ARHGAP15: variants seen among roughly 807,000 people sequenced by gnomAD.
ARHGAP15 encodes the protein Rho GTPase activating protein 15.
In ARHGAP15, 51 loss-of-function variants were observed where a neutral mutation model predicts 63.7. The ratio of observed to expected loss-of-function variants is 0.80; its 90% CI spans 0.64 to 1.01. ARHGAP15 has a LOEUF of 1.01. Ranked by LOEUF, ARHGAP15 falls within the 50% of genes least tolerant of loss-of-function variation. The pLI, the probability that ARHGAP15 is intolerant of heterozygous loss-of-function variation, is 0.00. For missense variants in ARHGAP15, 560 were observed against 564.6 expected, an observed-to-expected ratio of 0.99 and a Z score of 0.08; for synonymous variants, 191 against 193.8, an observed-to-expected ratio of 0.99 and a Z score of 0.12.
At chr2:143,711,981 C>G (rs1427840511) in intron 13 of ARHGAP15, among the ~76,000 whole-genome samples, 3 of 152,146 alleles carry the variant, frequency 2.0e-5, no homozygotes, top group Admixed American at 6.5e-5. Context: ...ACTGAAGGAT[C>G]TCAAGTGGAG....
At chr2:143,714,964 G>A (rs997630411) in intron 13 of ARHGAP15, among the ~76,000 whole-genome samples, 4 of 152,060 alleles carry the variant, frequency 2.6e-5, no homozygotes, top group Admixed American at 1.3e-4. Flanking sequence ...CTGTTACCCA[G>A]TTCCAAAGTC....
intron 2 of ARHGAP15, among the ~76,000 whole-genome samples, chr2:143,184,265 A>G (rs1245066516): frequency 6.6e-6 from 1 of 152,226 alleles, no homozygotes; most frequent in Non-Finnish European, 1.5e-5. Flanking sequence ...TGACCTCAAC[A>G]AAATTGGACA....
chr2:143,325,335 A>C (rs1206235928), intron 6 of ARHGAP15, among the ~76,000 whole-genome samples: 1 of 152,134 alleles, frequency 6.6e-6, no homozygotes, highest in Non-Finnish European at 1.5e-5. Flanking sequence ...AATTTTATTT[A>C]CTTAAATATA....
At chr2:143,254,627 G>T (rs1680327262) in intron 6 of ARHGAP15, among the ~76,000 whole-genome samples, 1 of 151,946 alleles carries the variant, frequency 6.6e-6, no homozygotes, top group African/African-American at 2.4e-5. Flanking sequence ...TTAAATATGT[G>T]AGAGTCTCAG....
rs550070446 is a variant in ARHGAP15 at position 143,311,901 on chromosome 2, T to C, written c.474+61301T>C. Among the ~76,000 whole-genome samples the C allele has an allele frequency of 1.1e-4, 16 of 152,226 alleles. No homozygotes were observed. In the East Asian group the frequency reaches 2.9e-3, roughly 28 times the overall value. ...GTGTCCATTTGCAGACCAAATTCCTTTATGTGTTGGAATGGCAATGCGCCT... is the reference window on the plus strand; with the variant it reads ...GTGTCCATTTGCAGACCAAATTCCTCTATGTGTTGGAATGGCAATGCGCCT... On this transcript the variant is annotated intron_variant, in intron 6 of 13. Coordinates refer to ENST00000295095, the MANE Select transcript of ARHGAP15 (RefSeq NM_018460.4).
intron 3 of ARHGAP15, among the ~76,000 whole-genome samples, chr2:143,214,245 G>A (rs1692666455): frequency 6.6e-6 from 1 of 152,070 alleles, no homozygotes; most frequent in South Asian, 2.1e-4. Flanking sequence ...ATAAATCCAG[G>A]TTTTGGGTAA....
intron 6 of ARHGAP15, among the ~76,000 whole-genome samples, chr2:143,262,505 A>T (rs1213315895): frequency 1.5e-5 from 2 of 137,310 alleles, no homozygotes; most frequent in East Asian, 4.2e-4. Flanking sequence ...AGTCAATCGG[A>T]CCTTTGTATA....
chr2:143,470,929 T>C (rs554366972), intron 8 of ARHGAP15, among the ~76,000 whole-genome samples: 1 of 147,072 alleles, frequency 6.8e-6, no homozygotes, highest in African/African-American at 2.4e-5. Flanking sequence ...TGTATATGTG[T>C]ATATATGTGT....
chr2:143,706,233 A>G (rs1314753480), intron 13 of ARHGAP15, among the ~76,000 whole-genome samples: 1 of 152,214 alleles, frequency 6.6e-6, no homozygotes, highest in Non-Finnish European at 1.5e-5. Context: ...CGTGTCATCA[A>G]AGCCTGAGAA....
chr2:143,488,186 T>C (rs945194267), intron 9 of ARHGAP15, among the ~76,000 whole-genome samples: 1 of 152,264 alleles, frequency 6.6e-6, no homozygotes, highest in Admixed American at 6.5e-5. Flanking sequence ...GCCTCAGCTT[T>C]CTCATTTGTT....
intron 6 of ARHGAP15, among the ~76,000 whole-genome samples, chr2:143,408,999 A>G (rs1211802022): frequency 6.6e-6 from 1 of 151,980 alleles, no homozygotes; most frequent in Non-Finnish European, 1.5e-5. Context: ...TACATGTATT[A>G]TAAACAATAT....
intron 6 of ARHGAP15, among the ~76,000 whole-genome samples, chr2:143,284,150 G>A (rs1681984185): frequency 6.6e-6 from 1 of 152,020 alleles, no homozygotes; most frequent in South Asian, 2.1e-4. Flanking sequence ...ATCCATACTT[G>A]AAACTTTGGG....
intron 6 of ARHGAP15, among the ~76,000 whole-genome samples, chr2:143,376,399 T>C (rs922259166): frequency 6.6e-6 from 1 of 152,204 alleles, no homozygotes; most frequent in African/African-American, 2.4e-5. Context: ...TTAACATTCA[T>C]TGATAGAATC....
chr2:143,216,146 T>G (rs574717461), intron 3 of ARHGAP15, among the ~76,000 whole-genome samples: 6 of 152,216 alleles, frequency 3.9e-5, no homozygotes, highest in Non-Finnish European at 8.8e-5. Flanking sequence ...TCAATAAAGG[T>G]GTATCACTAT....
In ARHGAP15 at chr2:143,153,824, CTTCTTCT is replaced by C. The variant is rs1558779301; in HGVS notation, c.-14-1651_-14-1645del. ...TCTTCTTCTTCTTCTTCTTCTTCTT[CTTCTTCT>C]TCTTCTTCTTCTTCCTCCTCCTCCT... is the stretch of plus-strand genomic sequence containing the variant. On this transcript the variant is annotated intron_variant, in intron 1 of 13. Transcript: ENST00000295095. Among the ~76,000 whole-genome samples, 138 of 88,196 alleles carry C rather than the reference CTTCTTCT, an allele frequency of 1.6e-3. 2 individuals are homozygous for C. The highest frequency in any genetic ancestry group is 4.9e-3 in the Middle Eastern group (1 of 204). The allele number at this position is 88,196 out of a possible 152,430, so 57.9% of individuals were successfully genotyped here.
intron 13 of ARHGAP15, among the ~76,000 whole-genome samples, chr2:143,738,258 A>C (rs1013113019): frequency 6.6e-6 from 1 of 151,654 alleles, no homozygotes; most frequent in South Asian, 2.1e-4. Context: ...AGGAAGTTAA[A>C]TTTTTTTTTA....
intron 12 of ARHGAP15, among the ~76,000 whole-genome samples, chr2:143,649,671 A>T (rs1217667542): frequency 6.6e-6 from 1 of 151,978 alleles, no homozygotes; most frequent in Non-Finnish European, 1.5e-5. Flanking sequence ...TCTCCAGCAG[A>T]TGTAGTCTGT....
At chr2:143,167,774 G>A (rs1690604547) in intron 2 of ARHGAP15, among the ~76,000 whole-genome samples, 1 of 152,134 alleles carries the variant, frequency 6.6e-6, no homozygotes, top group African/African-American at 2.4e-5. Flanking sequence ...TTACCATCAA[G>A]TGGTGGCTCC....
intron 5 of ARHGAP15, among the ~76,000 whole-genome samples, chr2:143,245,936 G>A (rs1694030988): frequency 6.6e-6 from 1 of 152,154 alleles, no homozygotes; most frequent in Non-Finnish European, 1.5e-5. Flanking sequence ...AGATGGGCCA[G>A]TCACAGCCCC....
Sources: gnomAD v4.1 joint callset for allele counts (sites outside exome capture counted in the v4.1 genomes callset) on GRCh38, gnomAD v4.1.1 for gene constraint, MANE v1.5 for transcripts, NCBI Gene and HGNC (gene_info 2026-07-23, HGNC 2026-07-21) for gene names.